The following STAU2 variants were observed in gnomAD, a reference collection of about 807,000 sequenced individuals.
STAU2 encodes double-stranded RNA-binding protein Staufen homolog 2.
In STAU2, 20 loss-of-function variants were observed where a neutral mutation model predicts 65.9. The observed-to-expected ratio is 0.30, with a 90% CI of 0.21 to 0.44. The LOEUF (loss-of-function observed/expected upper bound fraction) is 0.44, where lower values mean the gene tolerates loss of function less well. STAU2 is among the 20% of genes least tolerant of loss of function. The pLI is 1.00. For missense variants in STAU2, 558 were observed against 683.9 expected (o/e 0.82, Z 2.05); for synonymous variants, 232 against 233.9 (o/e 0.99, Z 0.07).
At chr8:73,625,322 C>T (rs748348461) in intron 6 of STAU2, among the ~76,000 whole-genome samples, 14 of 152,114 alleles carry the variant, frequency 9.2e-5, no homozygotes, top group Non-Finnish European at 1.0e-4. Context: ...CCAAATGTCC[C>T]GATGAATAAA....
At chr8:73,550,259 G>A in intron 13 of STAU2, 3 of 985,200 alleles carry the variant, frequency 3.0e-6, no homozygotes, top group Non-Finnish European at 3.6e-6. Flanking sequence ...GTAAGCATAA[G>A]CTTTTTAAAA....
At chr8:73,673,268 C>T in intron 5 of STAU2, 26 bp from the exon 6 acceptor site, 1 of 1,514,476 alleles carries the variant, frequency 6.6e-7, no homozygotes, top group Non-Finnish European at 8.8e-7. Flanking sequence ...ACATTAAAGG[C>T]ACACAAGTGA....
chr8:73,422,498 A>ATAATTGTATTATTAT, intron 14 of STAU2, 116 bp downstream of exon 14: 1 of 700,198 alleles, frequency 1.4e-6, no homozygotes, highest in Admixed American at 4.0e-5. Context: ...TGTATTATTA[A>ATAATTGTATTATTAT]TAATTGTGTA....
chr8:73,620,570 A>G (rs1813153366), intron 6 of STAU2, among the ~76,000 whole-genome samples: 1 of 152,204 alleles, frequency 6.6e-6, no homozygotes, highest in Admixed American at 6.5e-5. Context: ...ATTGCACACC[A>G]AAGAGCCCTT....
chr8:73,667,227 C>T (rs1213609472), intron 6 of STAU2, among the ~76,000 whole-genome samples: 1 of 152,110 alleles, frequency 6.6e-6, no homozygotes, highest in African/African-American at 2.4e-5. Flanking sequence ...TGTCGTAATT[C>T]TTTATCCCTT....
At chr8:73,694,682 A>G (rs1819580572) in intron 4 of STAU2, among the ~76,000 whole-genome samples, 1 of 152,218 alleles carries the variant, frequency 6.6e-6, no homozygotes, top group African/African-American at 2.4e-5. Context: ...TTAACTTCAT[A>G]TTGCCAAAAG....
intron 13 of STAU2, among the ~76,000 whole-genome samples, chr8:73,454,663 T>C (rs1319833729): frequency 6.6e-6 from 1 of 152,212 alleles, no homozygotes; most frequent in Non-Finnish European, 1.5e-5. Flanking sequence ...TCACAGACCA[T>C]GATGACATCT....
intron 6 of STAU2, among the ~76,000 whole-genome samples, chr8:73,622,695 C>T (rs1176106556): frequency 2.0e-5 from 3 of 152,164 alleles, no homozygotes; most frequent in African/African-American, 7.2e-5. Flanking sequence ...TAAAGTAAGG[C>T]CCACTGATAG....
Position 73,615,974 on chromosome 8 carries a change from C to T in STAU2, c.571-192G>A, listed in dbSNP as rs1460532386. Among the ~76,000 whole-genome samples the T allele has an allele frequency of 2.6e-5, 4 of 152,212 alleles. No individual in the cohort carries two copies. In the East Asian group the frequency reaches 7.7e-4, roughly 29 times the overall value. On this transcript the variant is annotated intron_variant, in intron 7 of 14. Transcript: ENST00000524300. ...AGGCTTTTTGTTACTCGATTTTTAG[C>T]TTGTTTTCCTTGAAGGAAAAGCATT... is the stretch of plus-strand genomic sequence containing the variant.
chr8:73,685,376 T>C (rs899956160), intron 5 of STAU2, among the ~76,000 whole-genome samples: 44 of 151,668 alleles, frequency 2.9e-4, no homozygotes, highest in Admixed American at 2.7e-3. Context: ...AAACACTTTT[T>C]TTTTCTTTTT....
At chr8:73,535,885 A>G (rs1806147192) in intron 13 of STAU2, among the ~76,000 whole-genome samples, 1 of 152,238 alleles carries the variant, frequency 6.6e-6, no homozygotes. Context: ...ATTCTATTGT[A>G]TTGAATATCA....
chr8:73,651,909 C>A (rs1026285405), intron 6 of STAU2, among the ~76,000 whole-genome samples: 2 of 152,214 alleles, frequency 1.3e-5, no homozygotes, highest in African/African-American at 4.8e-5. Context: ...CCCTGACCCA[C>A]GCAAAGGTTC....
intron 12 of STAU2, among the ~76,000 whole-genome samples, chr8:73,554,186 C>G (rs1397811405): frequency 6.6e-6 from 1 of 152,158 alleles, no homozygotes; most frequent in East Asian, 1.9e-4. Context: ...AAGACTGAAG[C>G]CAATTCTTCA....
At chr8:73,518,313 G>A (rs1473275763) in intron 13 of STAU2, among the ~76,000 whole-genome samples, 1 of 152,142 alleles carries the variant, frequency 6.6e-6, no homozygotes, top group Non-Finnish European at 1.5e-5. Context: ...CATGTTTAAG[G>A]CAATATTTGA....
At chr8:73,687,109 A>T (rs987084437) in intron 5 of STAU2, among the ~76,000 whole-genome samples, 9 of 144,956 alleles carry the variant, frequency 6.2e-5, no homozygotes, top group Non-Finnish European at 1.4e-4. Context: ...GCCAGGCTAT[A>T]TATAAATATA....
At chr8:73,471,144 T>C (rs919641776) in intron 13 of STAU2, among the ~76,000 whole-genome samples, 53 of 151,632 alleles carry the variant, frequency 3.5e-4, no homozygotes, top group African/African-American at 1.1e-3. Flanking sequence ...AACTGTCTTA[T>C]ATTTAATTTT....
intron 13 of STAU2, among the ~76,000 whole-genome samples, chr8:73,439,590 G>A (rs373588964): frequency 3.3e-5 from 5 of 152,158 alleles, no homozygotes; most frequent in Non-Finnish European, 5.9e-5. Context: ...GCTGAGATTC[G>A]CAGCTGAACA....
intron 13 of STAU2, among the ~76,000 whole-genome samples, chr8:73,493,171 C>G (rs1821230154): frequency 1.3e-5 from 2 of 151,830 alleles, no homozygotes; most frequent in African/African-American, 4.8e-5. Context: ...AAAGCTGAAA[C>G]TATAAAGCTT....
chr8:73,697,762 T>C (rs1280603972), intron 4 of STAU2, among the ~76,000 whole-genome samples: 1 of 152,208 alleles, frequency 6.6e-6, no homozygotes, highest in Non-Finnish European at 1.5e-5. Flanking sequence ...TAAGCTGTCA[T>C]CAGTTTAAAA....
Sources: allele counts gnomAD v4.1 joint callset (sites outside exome capture counted in the v4.1 genomes callset), GRCh38; gene constraint gnomAD v4.1.1; transcripts MANE v1.5; gene names NCBI Gene and HGNC (gene_info 2026-07-23, HGNC 2026-07-21).